ARSL: variants seen among roughly 807,000 people sequenced by gnomAD.
The protein encoded by ARSL is arylsulfatase L, also known as arylsulfatase E (chondrodysplasia punctata 1).
In ARSL, 4 loss-of-function variants were observed where a neutral mutation model predicts 31.1. That is an observed-to-expected ratio of 0.13 (90% CI 0.06 to 0.29). The LOEUF (loss-of-function observed/expected upper bound fraction) is 0.29, where lower values mean the gene tolerates loss of function less well. Among genes scored for constraint, ARSL ranks in the 10% least tolerant of loss-of-function variants. ARSL has a pLI of 1.00. For synonymous variants in ARSL, 198 were observed against 209.9 expected (o/e 0.94, Z 0.49); for missense variants, 312 against 497.8 (o/e 0.63, Z 3.55).
At chrX:2,951,614 CAAAAA>C (rs1164575386) in intron 5 of ARSL, among the ~76,000 whole-genome samples, 476 of 28,862 alleles carry the variant, frequency 0.016, 2 homozygotes, top group Non-Finnish European at 0.028. Context: ...CCCATCTCTA[CAAAAA>C]AAAAAAAAAA....
chrX:2,934,610 G>C lies in ARSL; in HGVS notation c.*222C>G. 1 of 385,618 alleles carries C rather than the reference G, an allele frequency of 2.6e-6. No individual in the cohort carries two copies. The highest frequency in any genetic ancestry group is 4.5e-6 in the Non-Finnish European group (1 of 221,225). 31.8% of individuals were successfully genotyped at this position (385,618 alleles called of 1,213,427 possible). A position where few individuals can be genotyped will look rare whatever the true frequency, so the allele number is the denominator to read the frequency against. On this transcript the variant is annotated 3_prime_UTR_variant, in exon 11 of 11. Coordinates refer to ENST00000381134, the MANE Select transcript of ARSL (RefSeq NM_000047.3). ...CCTGCCTTAGCCTCCTGAGAAGCTA[G>C]AACTACAGGCGTGTGCCACCATGCA...
chrX:2,954,618 T>C (rs2089502098), intron 4 of ARSL, among the ~76,000 whole-genome samples: 1 of 110,090 alleles, frequency 9.1e-6, no homozygotes, highest in Non-Finnish European at 1.9e-5. Flanking sequence ...CTTTAAAATG[T>C]AGGTGTTATG....
intron 1 of ARSL, among the ~76,000 whole-genome samples, chrX:2,963,533 CTTTTTT>C (rs769134287): frequency 8.4e-5 from 5 of 59,784 alleles, no homozygotes; most frequent in African/African-American, 2.3e-4. Flanking sequence ...TTTTCTTTTC[CTTTTTT>C]TTTTTTTTTT....
In ARSL at chrX:2,934,658, G is replaced by A; in HGVS notation, c.*174C>T. ...GCAGGCTAATTTTTTTTTTATTTTTGTTTTGTAGAGCTAGAGTTTCATCAT... is the reference window on the plus strand; with the variant it reads ...GCAGGCTAATTTTTTTTTTATTTTTATTTTGTAGAGCTAGAGTTTCATCAT... On this transcript the variant is annotated 3_prime_UTR_variant, in exon 11 of 11. Coordinates refer to ENST00000381134, the MANE Select transcript of ARSL (RefSeq NM_000047.3). The A allele has an allele frequency of 2.4e-6, 1 of 419,594 alleles. No individual in the cohort carries two copies. Among genetic ancestry groups the A allele is most frequent in the African/African-American group, 2.5e-5 (1 of 40,067 alleles). 34.6% of individuals were successfully genotyped at this position (419,594 alleles called of 1,213,427 possible).
chrX:2,936,602 G>T, intron 10 of ARSL, 140 bp downstream of exon 10: 1 of 850,447 alleles, frequency 1.2e-6, no homozygotes, highest in Non-Finnish European at 1.7e-6. Context: ...TAAAAAGCTC[G>T]TGGAGAAAAA....
chrX:2,936,678 T>C, intron 10 of ARSL, 64 bp downstream of exon 10: 1 of 1,193,172 alleles, frequency 8.4e-7, no homozygotes, highest in Non-Finnish European at 1.1e-6. Flanking sequence ...TTCTAGGGCA[T>C]GGTGCTTTCC....
rs776807952 is a variant in ARSL at position 2,960,268 on chromosome X, CAAAAAAAAAA to C, written c.23+100_23+109del. ...TGGGCGACAGAGTGAGACTCCGTCT[CAAAAAAAAAA>C]AAAAAAAAAAAAAAAAGAAGAGAAA... On this transcript the variant is annotated intron_variant, in intron 2 of 10. Transcript: ENST00000381134. The C allele has an allele frequency of 3.3e-4, 42 of 127,578 alleles. 1 individual carries two copies. The highest frequency in any genetic ancestry group is 3.2e-3 in the Middle Eastern group (1 of 312). 10.5% of individuals were successfully genotyped at this position (127,578 alleles called of 1,213,427 possible).
upstream of ARSL, among the ~76,000 whole-genome samples, chrX:2,967,223 T>C (rs778163694): frequency 6.2e-4 from 69 of 111,757 alleles, no homozygotes; most frequent in Middle Eastern, 4.6e-3. Context: ...CAAACATGTT[T>C]GAACAGTCAT....
rs1222653128 is a variant in ARSL at position 2,949,677 on chromosome X, G to T, written c.481C>A (p.His161Asn). 8.3e-7 allele frequency: 1 copy of T among 1,211,825 alleles called. No homozygotes were observed. Among genetic ancestry groups the T allele is most frequent in the Non-Finnish European group, 1.1e-6 (1 of 895,497 alleles). The stretch of plus-strand genomic sequence containing the variant: ...TGGTCAAAGCCATGATGGAGAGGGT[G>T]GTGGCAATGATCACTGGCTGACTCA... ...NCESASDHCH[H>N]PLHHGFDHFY... Residue 161 changes from histidine (H) to asparagine (N), a missense_variant, in exon 6 of 11, where the codon CAC becomes AAC. By Grantham distance (68) the His-to-Asn change is moderately conservative. Coordinates refer to ENST00000381134, the MANE Select transcript of ARSL (RefSeq NM_000047.3).
At chrX:2,951,315 A>C (rs1433554525) in intron 5 of ARSL, among the ~76,000 whole-genome samples, 1 of 110,955 alleles carries the variant, frequency 9.0e-6, no homozygotes, top group African/African-American at 3.3e-5. Context: ...TGGGTTTTGC[A>C]AGGCACACCT....
At chrX:2,951,820 A>C (rs1264980490) in intron 5 of ARSL, among the ~76,000 whole-genome samples, 2 of 102,627 alleles carry the variant, frequency 1.9e-5, no homozygotes, top group African/African-American at 7.1e-5. Context: ...AAAAAAGTCT[A>C]TTGGAAAAAA....
At chrX:2,943,908 A>G (rs1257269494) in intron 7 of ARSL, among the ~76,000 whole-genome samples, 2 of 110,950 alleles carry the variant, frequency 1.8e-5, no homozygotes, top group Non-Finnish European at 3.8e-5. Context: ...GGCCGGGCAC[A>G]GTGGCTCATG....
chrX:2,965,730 G>A (rs1229056702), upstream of ARSL, among the ~76,000 whole-genome samples: 4 of 110,731 alleles, frequency 3.6e-5, no homozygotes, highest in African/African-American at 9.8e-5. Flanking sequence ...GCAAAACCCC[G>A]TCTGTACTAA....
intron 6 of ARSL, among the ~76,000 whole-genome samples, chrX:2,947,741 C>A (rs1461393759): frequency 1.8e-5 from 2 of 111,502 alleles, no homozygotes; most frequent in African/African-American, 3.3e-5. Flanking sequence ...CATTTAAAAT[C>A]AAAAAGAACA....
chrX:2,964,506 G>A (rs937788622), upstream of ARSL: 3 of 743,363 alleles, frequency 4.0e-6, no homozygotes, highest in South Asian at 6.9e-5. Flanking sequence ...TTGTAGAGAC[G>A]GGGTTTTGCC....
chrX:2,960,608 T>C, intron 1 of ARSL, 188 bp from the exon 2 acceptor site: 1 of 433,835 alleles, frequency 2.3e-6, no homozygotes, highest in South Asian at 3.5e-5. Flanking sequence ...TTCAAAAATG[T>C]TTAATACTAT....
intron 1 of ARSL, 149 bp from the exon 2 acceptor site, chrX:2,960,569 A>G (rs1603462461): frequency 3.8e-6 from 2 of 532,901 alleles, no homozygotes; most frequent in South Asian, 6.5e-5. Context: ...CAAAATCTAT[A>G]AAGGAATGCT....
intron 2 of ARSL, chrX:2,959,818 G>A: frequency 1.2e-6 from 1 of 840,769 alleles, no homozygotes; most frequent in Non-Finnish European, 1.6e-6. Flanking sequence ...CACGTTGGGA[G>A]GCCAAGGTGG....
chrX:2,964,704 C>T (rs1201998785), upstream of ARSL: 1 of 114,617 alleles, frequency 8.7e-6, no homozygotes, highest in African/African-American at 3.3e-5. Context: ...CATGGTGGCT[C>T]ATGCCTGTAA....
Sources: gnomAD v4.1 joint callset for allele counts (sites outside exome capture counted in the v4.1 genomes callset) on GRCh38, gnomAD v4.1.1 for gene constraint, MANE v1.5 for transcripts, NCBI Gene and HGNC (gene_info 2026-07-23, HGNC 2026-07-21) for gene names.